The following NRCAM variants were observed in gnomAD, a reference collection of about 807,000 sequenced individuals.
The protein encoded by NRCAM is NgCAM-related cell adhesion molecule.
Under a neutral mutation model 156.5 loss-of-function variants are expected in NRCAM, and 83 were observed. That is an observed-to-expected ratio of 0.53 (90% CI 0.44 to 0.64). The LOEUF is 0.64. Among genes scored for constraint, NRCAM ranks in the 30% least tolerant of loss-of-function variants. NRCAM has a pLI of 0.00. For synonymous variants in NRCAM, 538 were observed against 563.9 expected (o/e 0.95, Z 0.65); for missense variants, 1,417 against 1,597.3 (o/e 0.89, Z 1.92).
At chr7:108,408,215 A>G (rs1180015492) in intron 1 of NRCAM, among the ~76,000 whole-genome samples, 1 of 152,210 alleles carries the variant, frequency 6.6e-6, no homozygotes, top group Non-Finnish European at 1.5e-5. Flanking sequence ...ACTAGGTACT[A>G]TGCTAGGTAG....
chr7:108,268,026 TA>T (rs1048611122), intron 3 of NRCAM, among the ~76,000 whole-genome samples: 1 of 13,532 alleles, frequency 7.4e-5, no homozygotes, highest in African/African-American at 2.4e-4. Context: ...ATTTTCTCAT[TA>T]ATATAGCAAA....
chr7:108,333,959 T>G (rs1484530236), intron 2 of NRCAM, among the ~76,000 whole-genome samples: 2 of 152,176 alleles, frequency 1.3e-5, no homozygotes, highest in Non-Finnish European at 2.9e-5. Context: ...TGTGTGTGTG[T>G]CCGTAATTTC....
intron 13 of NRCAM, 117 bp from the exon 14 acceptor site, chr7:108,198,216 A>G: frequency 1.4e-6 from 1 of 711,010 alleles, no homozygotes; most frequent in Non-Finnish European, 2.2e-6. Flanking sequence ...CAGTAAGAAT[A>G]AGACTAGAAT....
chr7:108,388,841 G>C (rs1012891057), intron 2 of NRCAM, among the ~76,000 whole-genome samples: 63 of 152,118 alleles, frequency 4.1e-4, no homozygotes, highest in African/African-American at 1.2e-3. Flanking sequence ...GCTTGTTTTT[G>C]TCAGGTTTGT....
intron 15 of NRCAM, among the ~76,000 whole-genome samples, chr7:108,195,045 T>C (rs1384829799): frequency 4.1e-5 from 6 of 147,908 alleles, no homozygotes. Context: ...GAAACAATGG[T>C]AAGAACAAAT....
chr7:108,149,895 C>A lies in NRCAM; in HGVS notation c.*15G>T. The A allele has an allele frequency of 6.3e-7, 1 of 1,595,268 alleles. No individual in the cohort carries two copies. The highest frequency in any genetic ancestry group is 1.1e-5 in the South Asian group (1 of 88,380). On this transcript the variant is annotated 3_prime_UTR_variant, in exon 33 of 33. Coordinates refer to ENST00000379028, the MANE Select transcript of NRCAM (RefSeq NM_001037132.4). ...ACATTCTAGAGAAATGGAATATTGG[C>A]AAAGAGCTTAAAAATTAAACAAAGG...
Position 108,240,075 on chromosome 7 carries a change from C to T in NRCAM, c.-11G>A, listed in dbSNP as rs1235383454. 1.9e-6 allele frequency: 3 copies of T among 1,563,438 alleles called. No individual in the cohort carries two copies. In the African/African-American group the frequency reaches 4.1e-5, roughly 21 times the overall value. ...TATTTTAAGCTGCATTAGCTTAACT[C>T]CTGCTGAGACTCACACACTGAATTT... On this transcript the variant is annotated 5_prime_UTR_variant, in exon 4 of 33. Coordinates refer to ENST00000379028, the MANE Select transcript of NRCAM (RefSeq NM_001037132.4).
At chr7:108,248,961 GGATGAT>G (rs71137618) in intron 3 of NRCAM, among the ~76,000 whole-genome samples, 73 of 151,800 alleles carry the variant, frequency 4.8e-4, no homozygotes, top group African/African-American at 1.7e-3. Flanking sequence ...TCAGGGAGCA[GGATGAT>G]GATGATGATG....
intron 20 of NRCAM, 119 bp downstream of exon 20, chr7:108,189,526 C>T: frequency 1.6e-6 from 1 of 638,032 alleles, no homozygotes; most frequent in Non-Finnish European, 2.8e-6. Context: ...TTTATTCTAT[C>T]AGTAATGAAG....
chr7:108,432,712 G>T (rs1403353119), intron 1 of NRCAM, among the ~76,000 whole-genome samples: 1 of 152,132 alleles, frequency 6.6e-6, no homozygotes, highest in Non-Finnish European at 1.5e-5. Flanking sequence ...AGACCAACCT[G>T]GTCAATATGT....
At chr7:108,150,319 G>C (rs2040533108) in intron 32 of NRCAM, among the ~76,000 whole-genome samples, 172 bp from the exon 33 acceptor site, 1 of 152,168 alleles carries the variant, frequency 6.6e-6, no homozygotes, top group South Asian at 2.1e-4. Context: ...TGGAAATCAG[G>C]AGCAGAAATG....
At chr7:108,318,702 C>G (rs748037007) in intron 2 of NRCAM, among the ~76,000 whole-genome samples, 11 of 151,944 alleles carry the variant, frequency 7.2e-5, no homozygotes, top group Non-Finnish European at 1.3e-4. Context: ...CAAAGATGAC[C>G]CCTGGTTCTG....
chr7:108,185,173 G>T (rs1453374265), intron 20 of NRCAM, among the ~76,000 whole-genome samples: 2 of 152,096 alleles, frequency 1.3e-5, no homozygotes, highest in African/African-American at 4.8e-5. Flanking sequence ...CTCTGACTTT[G>T]TAGGAAGTGT....
Position 108,197,964 on chromosome 7 carries a change from T to C in NRCAM, c.1343A>G (p.Asn448Ser). The C allele has an allele frequency of 6.4e-7, 1 of 1,573,518 alleles. No individual in the cohort carries two copies. The highest frequency in any genetic ancestry group is 1.4e-5 in the African/African-American group (1 of 73,568). ...ATAAAATGAGAGCTTACCCAGCACA[T>C]TTACAAATGCGTTTGCCAGTAAATA... ...YGYLLANAFV[N>S]VLAEPPRILT... Residue 448 changes from asparagine (N) to serine (S), a missense_variant, in exon 14 of 33, where the codon AAT (asparagine) becomes AGT (serine). Coordinates refer to ENST00000379028, the MANE Select transcript of NRCAM (RefSeq NM_001037132.4).
intron 2 of NRCAM, among the ~76,000 whole-genome samples, chr7:108,321,948 A>G (rs1340087150): frequency 1.3e-5 from 2 of 152,250 alleles, no homozygotes; most frequent in Non-Finnish European, 2.9e-5. Flanking sequence ...ATAAAAATAT[A>G]GTAAAGCAGA....
chr7:108,418,734 G>A (rs1414902523), intron 1 of NRCAM, among the ~76,000 whole-genome samples: 1 of 152,136 alleles, frequency 6.6e-6, no homozygotes, highest in Non-Finnish European at 1.5e-5. Flanking sequence ...TAACATGATT[G>A]ATTAAAATGG....
At chr7:108,151,124 C>A (rs1291898912) in intron 32 of NRCAM, among the ~76,000 whole-genome samples, 1 of 152,060 alleles carries the variant, frequency 6.6e-6, no homozygotes, top group Non-Finnish European at 1.5e-5. Flanking sequence ...TTCTGGAAGA[C>A]AAAGAGTAAT....
intron 1 of NRCAM, among the ~76,000 whole-genome samples, chr7:108,410,516 T>A (rs547505572): frequency 2.0e-5 from 3 of 152,228 alleles, no homozygotes; most frequent in Admixed American, 6.5e-5. Flanking sequence ...ACAGTTCTGA[T>A]GCTTGGGCCC....
intron 3 of NRCAM, among the ~76,000 whole-genome samples, chr7:108,307,147 G>A (rs1014597727): frequency 1.3e-5 from 2 of 152,154 alleles, no homozygotes; most frequent in Admixed American, 6.5e-5. Flanking sequence ...TAAAGGCAAT[G>A]GTGTGAAATA....
Sources: gnomAD v4.1 joint callset for allele counts (sites outside exome capture counted in the v4.1 genomes callset) on GRCh38, gnomAD v4.1.1 for gene constraint, MANE v1.5 for transcripts, NCBI Gene and HGNC (gene_info 2026-07-23, HGNC 2026-07-21) for gene names.